Variants in JAZF1 observed in about 807,000 individuals in gnomAD.
The protein encoded by JAZF1 is juxtaposed with another zinc finger protein 1.
In JAZF1, 8 loss-of-function variants were observed where a neutral mutation model predicts 26.4. The observed-to-expected ratio is 0.30, with a 90% confidence interval of 0.18 to 0.55. The LOEUF is 0.55. JAZF1 is among the 20% of genes least tolerant of loss of function. The pLI is 0.94. For synonymous variants in JAZF1, 126 were observed against 122.3 expected (o/e 1.03, Z -0.20); for missense variants, 199 against 322.0 (o/e 0.62, Z 2.92).
intron 2 of JAZF1, among the ~76,000 whole-genome samples, chr7:27,896,138 A>G (rs1784059187): frequency 6.6e-6 from 1 of 152,196 alleles, no homozygotes; most frequent in East Asian, 1.9e-4. Flanking sequence ...TTATGTTCTA[A>G]TTTTATTACT....
At chr7:28,014,188 C>T (rs78760393) in intron 1 of JAZF1, among the ~76,000 whole-genome samples, 2,300 of 152,204 alleles carry the variant, frequency 0.015, 22 homozygotes, top group Middle Eastern at 0.031. Flanking sequence ...TCTTTCTTAA[C>T]AGATAAAGGA....
chr7:28,133,146 G>GC (rs1330781193), intron 1 of JAZF1, among the ~76,000 whole-genome samples: 4 of 152,156 alleles, frequency 2.6e-5, no homozygotes, highest in African/African-American at 7.2e-5. Context: ...GATTCATTCA[G>GC]CTTAACAAAC....
At chr7:27,961,823 A>T (rs1785189734) in intron 2 of JAZF1, among the ~76,000 whole-genome samples, 1 of 152,172 alleles carries the variant, frequency 6.6e-6, no homozygotes, top group African/African-American at 2.4e-5. Context: ...CACCCATGCC[A>T]TGGTATTTGA....
intron 2 of JAZF1, among the ~76,000 whole-genome samples, chr7:27,909,714 AAAAAC>A (rs1465619091): frequency 2.6e-5 from 4 of 152,144 alleles, no homozygotes; most frequent in Middle Eastern, 3.2e-3. Flanking sequence ...CTCAAAAACA[AAAAAC>A]AAAACAAAAC....
intron 1 of JAZF1, among the ~76,000 whole-genome samples, chr7:28,148,537 G>A (rs1583585792): frequency 1.3e-5 from 2 of 152,212 alleles, no homozygotes; most frequent in East Asian, 1.9e-4. Context: ...TTAAGCATAC[G>A]GTTTAGTCTT....
intron 1 of JAZF1, among the ~76,000 whole-genome samples, chr7:28,000,458 C>A (rs146965376): frequency 5.2e-4 from 79 of 152,228 alleles, no homozygotes; most frequent in Non-Finnish European, 7.6e-4. Context: ...AGAAACAGAG[C>A]TATTGCTCCT....
chr7:27,957,761 C>T (rs1200507448), intron 2 of JAZF1, among the ~76,000 whole-genome samples: 1 of 152,160 alleles, frequency 6.6e-6, no homozygotes, highest in African/African-American at 2.4e-5. Context: ...ACAGAGTGCA[C>T]ACATAGCTAG....
At chr7:27,966,331 T>C (rs1293275515) in intron 2 of JAZF1, among the ~76,000 whole-genome samples, 4 of 152,258 alleles carry the variant, frequency 2.6e-5, no homozygotes, top group African/African-American at 4.8e-5. Flanking sequence ...CAGCCTTACA[T>C]GATTTATAGC....
chr7:27,840,365 A>C lies in JAZF1; in HGVS notation c.555+333T>G, dbSNP rs1369314618. Reference sequence around the variant, plus strand: ...TGCTTGGCAAATAAAGTAGGTTGACATATTTGATATTCTGTTCTGATGGGT... The same window carrying C: ...TGCTTGGCAAATAAAGTAGGTTGACCTATTTGATATTCTGTTCTGATGGGT... On this transcript the variant is annotated intron_variant, in intron 4 of 4. Coordinates refer to ENST00000283928, the MANE Select transcript of JAZF1 (RefSeq NM_175061.4). The surrounding 1 kb of genome is among the most constrained non-coding windows in gnomAD (Gnocchi z 5.1). 6.6e-6 allele frequency among the ~76,000 whole-genome samples: 1 copy of C among 152,248 alleles called. No homozygotes were observed. The highest frequency in any genetic ancestry group is 1.5e-5 in the Non-Finnish European group (1 of 68,038).
intron 2 of JAZF1, among the ~76,000 whole-genome samples, chr7:27,902,595 A>C (rs1374560847): frequency 1.3e-5 from 2 of 152,196 alleles, no homozygotes; most frequent in Non-Finnish European, 2.9e-5. Flanking sequence ...TCTCATCTAT[A>C]AATGGTGACA....
rs76167593 is a variant in JAZF1, at chr7:27,901,021, G to A, written c.189-5605C>T. On this transcript the variant is annotated intron_variant, in intron 2 of 4. Coordinates refer to ENST00000283928, the MANE Select transcript of JAZF1 (RefSeq NM_175061.4). ...GACGTATTACCCAGATAAAACTATG[G>A]TTGATATTTTAGGGTTTTTCCTTCT... 9.9e-3 allele frequency among the ~76,000 whole-genome samples: 1,489 copies of A among 150,644 alleles called. 12 individuals carry two copies. Among genetic ancestry groups the A allele is most frequent in the Middle Eastern group, 0.041 (12 of 294 alleles).
chr7:27,833,026 C>CA (rs1782737447), intron 4 of JAZF1, 50 bp from the exon 5 acceptor site: 1 of 1,428,928 alleles, frequency 7.0e-7, no homozygotes, highest in South Asian at 1.4e-5. Context: ...GGATACCTGT[C>CA]AAACTTCGGA....
At chr7:27,886,511 A>G (rs1783867169) in intron 3 of JAZF1, among the ~76,000 whole-genome samples, 1 of 152,192 alleles carries the variant, frequency 6.6e-6, no homozygotes, top group Non-Finnish European at 1.5e-5. Flanking sequence ...TGGAACTTAC[A>G]TTTGCCTTGC....
chr7:27,895,732 C>T (rs1393632324), intron 2 of JAZF1, among the ~76,000 whole-genome samples: 1 of 152,178 alleles, frequency 6.6e-6, no homozygotes, highest in Non-Finnish European at 1.5e-5. Context: ...CTTGGAAGGT[C>T]TGCTCTCTTT....
chr7:28,169,830 T>C (rs747470075), intron 1 of JAZF1, among the ~76,000 whole-genome samples: 1 of 152,228 alleles, frequency 6.6e-6, no homozygotes, highest in Non-Finnish European at 1.5e-5. Flanking sequence ...TTCATAATTA[T>C]GCCATATATG....
At chr7:27,913,385 G>A (rs976876487) in intron 2 of JAZF1, 1 of 460,384 alleles carries the variant, frequency 2.2e-6, no homozygotes, top group Non-Finnish European at 4.5e-6. Context: ...GAACCAGAAG[G>A]CCATACCTTT....
chr7:28,039,376 G>A (rs1783350833), intron 1 of JAZF1, among the ~76,000 whole-genome samples: 1 of 152,136 alleles, frequency 6.6e-6, no homozygotes, highest in East Asian at 1.9e-4. Context: ...GGAAGACAAG[G>A]AAGAAGAAAA....
At chr7:28,152,729 G>C (rs1783128849) in intron 1 of JAZF1, among the ~76,000 whole-genome samples, 1 of 152,188 alleles carries the variant, frequency 6.6e-6, no homozygotes, top group Non-Finnish European at 1.5e-5. Flanking sequence ...TAAGAAAGTA[G>C]TGATTGAAGA....
At chr7:27,933,667 T>C (rs925141436) in intron 2 of JAZF1, among the ~76,000 whole-genome samples, 1 of 152,212 alleles carries the variant, frequency 6.6e-6, no homozygotes, top group Admixed American at 6.5e-5. Context: ...TACTGTATTT[T>C]TGCACACTTG....
Sources: gnomAD v4.1 joint callset for allele counts (sites outside exome capture counted in the v4.1 genomes callset) on GRCh38, gnomAD v4.1.1 for gene constraint, Gnocchi (gnomAD v3.1) non-coding constraint, MANE v1.5 for transcripts, NCBI Gene and HGNC (gene_info 2026-07-23, HGNC 2026-07-21) for gene names.